The following PVRIG variants were observed in gnomAD, a reference collection of about 807,000 sequenced individuals.
PVRIG encodes PVR related immunoglobulin domain containing.
In PVRIG, 16 loss-of-function variants were observed where a neutral mutation model predicts 21.9. The ratio of observed to expected loss-of-function variants is 0.73; its 90% CI spans 0.50 to 1.11. PVRIG has a LOEUF of 1.11. PVRIG is among the 50% of genes most tolerant of loss of function. The pLI is 0.00. For missense variants in PVRIG, 435 were observed against 445.7 expected (o/e 0.98, Z 0.22); for synonymous variants, 190 against 181.0 (o/e 1.05, Z -0.40).
At chr7:100,221,247 G>C in exon 6 of PVRIG, 2 of 1,563,488 alleles carry the variant, frequency 1.3e-6, no homozygotes, top group Non-Finnish European at 1.7e-6. Flanking sequence ...TTAGGAGTTC[G>C]ATGAGAGAGA....
exon 3 of PVRIG, chr7:100,220,265 G>A: frequency 1.3e-6 from 2 of 1,566,788 alleles, no homozygotes; most frequent in Non-Finnish European, 1.7e-6. Context: ...CGCTGGCTGT[G>A]TTGCACCCAG....
chr7:100,220,650 T>C (rs751647078), exon 4 of PVRIG: 2 of 1,611,294 alleles, frequency 1.2e-6, no homozygotes, highest in African/African-American at 2.7e-5. Flanking sequence ...ACCTCCTTCA[T>C]CTGCTGCGCC....
chr7:100,219,832 G>C (rs528850126), exon 2 of PVRIG: 1 of 1,153,194 alleles, frequency 8.7e-7, no homozygotes, highest in African/African-American at 1.5e-5. Context: ...GCCACTTTGT[G>C]CTCACCACCT....
intron 1 of PVRIG, chr7:100,219,636 G>C (rs868075056): frequency 1.8e-6 from 1 of 541,178 alleles, no homozygotes; most frequent in East Asian, 3.3e-5. Flanking sequence ...AGGGAAGCCC[G>C]GCACCCCTTG....
rs4727450 is a variant in PVRIG at position 100,220,478 on chromosome 7, G to T, written c.469+14G>T. 1.2e-6 allele frequency: 2 copies of T among 1,612,012 alleles called. No individual in the cohort carries two copies. The highest frequency in any genetic ancestry group is 4.5e-5 in the East Asian group (2 of 44,826). Reference sequence around the variant, plus strand: ...GCTCAGACCCAGGTGGGGCCGGGGCGAGGGGTCCAGGAGGGCAGGGAGGGG... The same window carrying T: ...GCTCAGACCCAGGTGGGGCCGGGGCTAGGGGTCCAGGAGGGCAGGGAGGGG... On this transcript the variant is annotated intron_variant, in intron 3 of 5. Transcript: ENST00000317271.
exon 5 of PVRIG, chr7:100,220,818 T>A (rs754321094): frequency 3.1e-6 from 5 of 1,606,808 alleles, no homozygotes; most frequent in Non-Finnish European, 3.4e-6. Context: ...AGCACGAGCA[T>A]GGGTGAGGAG....
At chr7:100,220,653 G>T in exon 4 of PVRIG, 1 of 1,611,290 alleles carries the variant, frequency 6.2e-7, no homozygotes, top group South Asian at 1.1e-5. Context: ...TCCTTCATCT[G>T]CTGCGCCGAC....
At chr7:100,221,254 G>C (rs1803237732) in exon 6 of PVRIG, 1 of 1,553,694 alleles carries the variant, frequency 6.4e-7, no homozygotes, top group South Asian at 1.2e-5. Flanking sequence ...TTCGATGAGA[G>C]AGACCATGAG....
chr7:100,220,538 C>G lies in PVRIG; in HGVS notation c.470-9C>G, dbSNP rs374975548. 1 of 1,611,218 alleles carries G rather than the reference C, an allele frequency of 6.2e-7. No individual in the cohort carries two copies. Among genetic ancestry groups the G allele is most frequent in the Non-Finnish European group, 8.5e-7 (1 of 1,179,116 alleles). ...TGGCCACCCATCTGATTCTTGTCTCCGTGCCCAGGGCTCTCTGCCCCGCCG... is the reference window on the plus strand; with the variant it reads ...TGGCCACCCATCTGATTCTTGTCTCGGTGCCCAGGGCTCTCTGCCCCGCCG... On this transcript the variant is annotated splice_polypyrimidine_tract_variant and intron_variant, in intron 3 of 5. Transcript: ENST00000317271.
chr7:100,220,048 A>AG lies in PVRIG; in HGVS notation c.118+24dup. 1 of 1,604,224 alleles carries AG rather than the reference A, an allele frequency of 6.2e-7. No homozygotes were observed. The highest frequency in any genetic ancestry group is 1.7e-5 in the Admixed American group (1 of 58,544). On this transcript the variant is annotated intron_variant, in intron 2 of 5. Coordinates refer to ENST00000317271, the Ensembl canonical transcript of PVRIG. The stretch of plus-strand genomic sequence containing the variant: ...CTGCGGGTGAGTGCCGGCACCAGAG[A>AG]GGGGCAGGGGCTGCAGGGAGGGTGA...
chr7:100,221,053 C>T, exon 6 of PVRIG: 2 of 1,613,804 alleles, frequency 1.2e-6, no homozygotes, highest in South Asian at 1.1e-5. Flanking sequence ...CGTCACTCCC[C>T]ACCCACGCTG....
rs776180334 is a variant in PVRIG at position 100,220,539 on chromosome 7, G to A, written c.470-8G>A. 65 of 1,611,072 alleles carry A rather than the reference G, an allele frequency of 4.0e-5. No individual in the cohort carries two copies. Among genetic ancestry groups the A allele is most frequent in the East Asian group, 2.9e-4 (13 of 44,866 alleles). On this transcript the variant is annotated splice_polypyrimidine_tract_variant and splice_region_variant and intron_variant, in intron 3 of 5. Coordinates refer to ENST00000317271, the Ensembl canonical transcript of PVRIG. ...GGCCACCCATCTGATTCTTGTCTCC[G>A]TGCCCAGGGCTCTCTGCCCCGCCGA...
exon 5 of PVRIG, chr7:100,220,788 A>G (rs1362401952): frequency 6.2e-6 from 10 of 1,605,988 alleles, no homozygotes; most frequent in Non-Finnish European, 8.5e-6. Flanking sequence ...GCCGTCCCGC[A>G]CCAGCCCCCA....
exon 2 of PVRIG, chr7:100,219,779 G>C: frequency 1.3e-6 from 1 of 744,318 alleles, no homozygotes; most frequent in South Asian, 1.7e-5. Flanking sequence ...GCACAGCCTT[G>C]GGGACTGAGC....
chr7:100,220,720 C>T (rs963817503), intron 4 of PVRIG, 40 bp from the exon 4 acceptor site: 1 of 1,607,994 alleles, frequency 6.2e-7, no homozygotes. Flanking sequence ...GGGATGGCCA[C>T]ATGCCCTGCA....
exon 5 of PVRIG, chr7:100,220,779 C>A: frequency 6.2e-7 from 1 of 1,605,748 alleles, no homozygotes; most frequent in Non-Finnish European, 8.5e-7. Flanking sequence ...TAGGCTCCAG[C>A]CGTCCCGCAC....
exon 6 of PVRIG, chr7:100,221,404 C>G (rs2129639690): frequency 1.7e-6 from 1 of 583,896 alleles, no homozygotes; most frequent in Non-Finnish European, 2.9e-6. Context: ...TGTGTGGGCA[C>G]AGGTGTGAGT....
exon 6 of PVRIG, chr7:100,221,452 C>A: frequency 6.4e-6 from 3 of 470,504 alleles, no homozygotes; most frequent in Non-Finnish European, 1.1e-5. Flanking sequence ...TCATTTCCTG[C>A]TGCAACTAAG....
At position 100,220,844 on chromosome 7, in the gene PVRIG, G is replaced by C. The variant is rs572113750; in HGVS notation, c.657+24G>C. ...GGGTGAGGAGGGGACCTGCTTTGGG[G>C]ATGAGGTGACAGGGGCAGGGGCAGG... On this transcript the variant is annotated intron_variant, in intron 5 of 5. Transcript: ENST00000317271. 1.9e-6 allele frequency: 3 copies of C among 1,607,350 alleles called. No homozygotes were observed. In the East Asian group the frequency reaches 6.7e-5, roughly 36 times the overall value.
Sources: allele counts gnomAD v4.1 joint callset, GRCh38; gene constraint gnomAD v4.1.1; transcripts MANE v1.5; gene names NCBI Gene and HGNC (gene_info 2026-07-23, HGNC 2026-07-21).